The following EPHA5 variants were observed in gnomAD, a reference collection of about 807,000 sequenced individuals.
The protein encoded by EPHA5 is ephrin type-A receptor 5.
EPHA5 carries 60 observed loss-of-function variants against 105.0 expected under a neutral mutation model. The observed-to-expected ratio is 0.57, with a 90% CI of 0.46 to 0.71. EPHA5 has a LOEUF of 0.71. Among genes scored for constraint, EPHA5 ranks in the 30% least tolerant of loss-of-function variants. The pLI, the probability that EPHA5 is intolerant of heterozygous loss-of-function variation, is 0.00. For synonymous variants in EPHA5, 513 were observed against 449.1 expected, an observed-to-expected ratio of 1.14 and a Z score of -1.80; for missense variants, 1,218 against 1,274.7, an observed-to-expected ratio of 0.96 and a Z score of 0.68.
Position 65,669,646 on chromosome 4 carries a change from A to T in EPHA5, c.97T>A (p.Ser33Thr). Residue 33 changes from serine to threonine, a missense_variant, in exon 1 of 17, where the codon TCT becomes ACT. Around this residue, in one of 3 missense-constraint regions of EPHA5, gnomAD observed 233 missense variants for 227.5 expected, o/e 1.02. Transcript: ENST00000613740. ...ITPASLAGCY[S>T]APRRAPLWTC... ...CAGAGGGGAGCCCGTCGAGGTGCAG[A>T]GTAGCAGCCGGCCAGGGACGCTGGG... 2.1e-6 allele frequency: 3 copies of T among 1,397,182 alleles called. No individual in the cohort carries two copies. Among genetic ancestry groups the T allele is most frequent in the Non-Finnish European group, 2.8e-6 (3 of 1,070,096 alleles). 86.5% of individuals were successfully genotyped at this position (1,397,182 alleles called of 1,614,324 possible).
intron 3 of EPHA5, among the ~76,000 whole-genome samples, chr4:65,509,052 C>T (rs982353893): frequency 6.6e-6 from 1 of 152,196 alleles, no homozygotes; most frequent in South Asian, 2.1e-4. Flanking sequence ...TTTAAATTAG[C>T]AAAACCAACT....
At chr4:65,564,511 AC>A (rs1434898328) in intron 3 of EPHA5, among the ~76,000 whole-genome samples, 1 of 151,606 alleles carries the variant, frequency 6.6e-6, no homozygotes, top group Non-Finnish European at 1.5e-5. Flanking sequence ...ATATATTGTG[AC>A]TTTGTTTTTA....
chr4:65,517,784 G>A (rs1397447851), intron 3 of EPHA5, among the ~76,000 whole-genome samples: 2 of 151,642 alleles, frequency 1.3e-5, no homozygotes, highest in Admixed American at 6.6e-5. Context: ...CTATAATTTT[G>A]TATTAGCAAT....
intron 1 of EPHA5, among the ~76,000 whole-genome samples, chr4:65,645,447 A>G (rs745486781): frequency 2.6e-5 from 4 of 152,168 alleles, no homozygotes; most frequent in African/African-American, 4.8e-5. Flanking sequence ...ACTGATGTGC[A>G]TAGGAATTCC....
intron 5 of EPHA5, among the ~76,000 whole-genome samples, chr4:65,457,068 G>GA (rs11462702): frequency 0.38 from 57,710 of 150,754 alleles, 12,192 homozygotes; most frequent in Middle Eastern, 0.48. Context: ...TTAAAAGCAG[G>GA]AAAAAAAAAT....
intron 3 of EPHA5, among the ~76,000 whole-genome samples, chr4:65,573,200 A>G (rs1560714734): frequency 6.6e-6 from 1 of 151,868 alleles, no homozygotes; most frequent in Non-Finnish European, 1.5e-5. Context: ...TCACGAGGTC[A>G]GGATATAGAG....
intron 3 of EPHA5, among the ~76,000 whole-genome samples, chr4:65,583,637 T>G (rs993878985): frequency 6.6e-6 from 1 of 151,806 alleles, no homozygotes; most frequent in Non-Finnish European, 1.5e-5. Context: ...ATTAACCTTG[T>G]ACTCCAGGAA....
chr4:65,655,284 AATCACC>A (rs1409804615), intron 1 of EPHA5, among the ~76,000 whole-genome samples: 14 of 152,074 alleles, frequency 9.2e-5, no homozygotes, highest in Non-Finnish European at 1.5e-4. Context: ...CCCACATTCA[AATCACC>A]AGAAGTACTT....
intron 3 of EPHA5, among the ~76,000 whole-genome samples, chr4:65,555,068 T>A (rs887220144): frequency 5.9e-5 from 9 of 151,540 alleles, no homozygotes; most frequent in Non-Finnish European, 1.5e-5. Flanking sequence ...GTTATTTTAA[T>A]CTTTTGAATA....
intron 8 of EPHA5, among the ~76,000 whole-genome samples, chr4:65,391,692 C>T (rs974873581): frequency 6.6e-6 from 1 of 152,028 alleles, no homozygotes; most frequent in African/African-American, 2.4e-5. Flanking sequence ...TCTGCCAGAG[C>T]CCAGCGTCTT....
chr4:65,473,001 G>T (rs962382554), intron 5 of EPHA5, among the ~76,000 whole-genome samples: 1 of 152,050 alleles, frequency 6.6e-6, no homozygotes, highest in Non-Finnish European at 1.5e-5. Context: ...ATAAATTCCA[G>T]TTTCAGATCA....
chr4:65,376,250 C>A (rs1184936327), intron 8 of EPHA5, among the ~76,000 whole-genome samples: 1 of 151,966 alleles, frequency 6.6e-6, no homozygotes, highest in Non-Finnish European at 1.5e-5. Flanking sequence ...TACAATAGTG[C>A]AAGGATTTAG....
chr4:65,538,452 TTTAA>T (rs1736506562), intron 3 of EPHA5, among the ~76,000 whole-genome samples: 1 of 151,818 alleles, frequency 6.6e-6, no homozygotes, highest in Non-Finnish European at 1.5e-5. Flanking sequence ...AACTAATACT[TTTAA>T]TTTATTCCAA....
intron 11 of EPHA5, among the ~76,000 whole-genome samples, chr4:65,360,795 A>G (rs1432652276): frequency 6.6e-6 from 1 of 151,642 alleles, no homozygotes; most frequent in Non-Finnish European, 1.5e-5. Flanking sequence ...TTACATAGCC[A>G]CAATTTATTC....
chr4:65,593,771 G>A lies in EPHA5; in HGVS notation c.910+7870C>T, dbSNP rs577419987. Among the ~76,000 whole-genome samples, 33 of 152,232 alleles carry A rather than the reference G, an allele frequency of 2.2e-4. 1 individual carries two copies. The South Asian group carries it at 4.4e-3, about 20-fold the overall frequency. Reference sequence around the variant, plus strand: ...ATAGAGTGAGATTTGAGCTGAGGCCGGCATCACTTTTAAGCCCAATGCCGT... The same window carrying A: ...ATAGAGTGAGATTTGAGCTGAGGCCAGCATCACTTTTAAGCCCAATGCCGT... On this transcript the variant is annotated intron_variant, in intron 3 of 16. Coordinates refer to ENST00000613740, the MANE Select transcript of EPHA5 (RefSeq NM_001281766.3).
At chr4:65,608,648 C>A (rs1400224763) in intron 2 of EPHA5, among the ~76,000 whole-genome samples, 2 of 152,062 alleles carry the variant, frequency 1.3e-5, no homozygotes, top group Non-Finnish European at 2.9e-5. Flanking sequence ...GGGTTATAAT[C>A]CTTTGAAAGA....
intron 8 of EPHA5, among the ~76,000 whole-genome samples, chr4:65,371,784 A>G (rs1416314737): frequency 6.6e-6 from 1 of 152,000 alleles, no homozygotes; most frequent in Non-Finnish European, 1.5e-5. Flanking sequence ...GCTTTAGTCT[A>G]TAGAAATATA....
chr4:65,429,244 A>G (rs1724749804), intron 5 of EPHA5, among the ~76,000 whole-genome samples: 1 of 152,100 alleles, frequency 6.6e-6, no homozygotes, highest in Non-Finnish European at 1.5e-5. Context: ...AGTATTATTC[A>G]GTTATACTAT....
At chr4:65,560,857 A>T (rs917466755) in intron 3 of EPHA5, among the ~76,000 whole-genome samples, 2 of 152,054 alleles carry the variant, frequency 1.3e-5, no homozygotes, top group African/African-American at 4.8e-5. Context: ...TTGAAAAATT[A>T]TTTCTAAGTA....
Sources: gnomAD v4.1 joint callset for allele counts (sites outside exome capture counted in the v4.1 genomes callset) on GRCh38, gnomAD v4.1.1 for gene constraint, gnomAD v4.1.1 regional missense constraint, MANE v1.5 for transcripts, NCBI Gene and HGNC (gene_info 2026-07-23, HGNC 2026-07-21) for gene names.